Variants in ZNF841 observed in about 807,000 individuals in gnomAD.
The protein encoded by ZNF841 is TCONS_00006091.
Under a neutral mutation model 13.0 loss-of-function variants are expected in ZNF841, and 11 were observed. The ratio of observed to expected loss-of-function variants is 0.85; its 90% CI spans 0.53 to 1.40. The LOEUF is 1.40. Among genes scored for constraint, ZNF841 ranks in the 40% most tolerant of loss-of-function variants. The pLI is 0.00. For missense variants in ZNF841, 1,068 were observed against 1,139.5 expected, an observed-to-expected ratio of 0.94 and a Z score of 0.90; for synonymous variants, 369 against 381.6, an observed-to-expected ratio of 0.97 and a Z score of 0.38.
chr19:52,090,654 GGAAAGAAAGAAAGAAAGAAA>G lies in ZNF841; in HGVS notation c.-143-1672_-143-1653del, dbSNP rs60931653. ...AAGAAGGAAGGAAGGAAGGAAGGAA[GGAAAGAAAGAAAGAAAGAAA>G]GAAAGAAAGAAAGAAAGAAAGAAAG... On this transcript the variant is annotated intron_variant, in intron 2 of 6. Coordinates refer to ENST00000594440, the MANE Select transcript of ZNF841 (RefSeq NM_001136499.2). Among the ~76,000 whole-genome samples the G allele has an allele frequency of 2.2e-3, 184 of 84,552 alleles. 2 individuals carry two copies. The highest frequency in any genetic ancestry group is 7.1e-3 in the East Asian group (21 of 2,946). The allele number at this position is 84,552 out of a possible 152,430, so 55.5% of individuals were successfully genotyped here.
chr19:52,065,550 A>C lies in ZNF841; in HGVS notation c.2332T>G (p.Ser778Ala). The C allele has an allele frequency of 6.2e-7, 1 of 1,614,078 alleles. No individual in the cohort carries two copies. The highest frequency in any genetic ancestry group is 8.5e-7 in the Non-Finnish European group (1 of 1,179,976). Reference sequence around the variant, plus strand: ...ATACTCCAATGACGTGCGAGGCCTGAGCGATAACGGAAGACCTTGCCACAT... The same window carrying C: ...ATACTCCAATGACGTGCGAGGCCTGCGCGATAACGGAAGACCTTGCCACAT... ...NECGKVFRYR[S>A]GLARHWSIHT... is the part of the protein sequence containing the mutation. Residue 778 changes from serine (S) to alanine (A), a missense_variant, in exon 7 of 7, where the codon TCA (serine) becomes GCA (alanine). Coordinates refer to ENST00000594440, the MANE Select transcript of ZNF841 (RefSeq NM_001136499.2).
chr19:52,068,584 G>A (rs1011506082), intron 6 of ZNF841, among the ~76,000 whole-genome samples: 3 of 151,520 alleles, frequency 2.0e-5, no homozygotes, highest in African/African-American at 7.3e-5. Flanking sequence ...CCTGAGACAG[G>A]AGAATCATTG....
At chr19:52,090,238 T>C (rs1263551115) in intron 2 of ZNF841, among the ~76,000 whole-genome samples, 1 of 152,122 alleles carries the variant, frequency 6.6e-6, no homozygotes, top group African/African-American at 2.4e-5. Flanking sequence ...AAAAGATCTG[T>C]ACACTGAAAG....
intron 4 of ZNF841, among the ~76,000 whole-genome samples, chr19:52,084,058 C>G (rs73934752): frequency 0.02 from 3,031 of 151,960 alleles, 91 homozygotes; most frequent in African/African-American, 0.07. Flanking sequence ...TCTTCTCTGA[C>G]ATCAAAAAAG....
intron 4 of ZNF841, 111 bp from the exon 5 acceptor site, chr19:52,077,195 T>C: frequency 3.2e-6 from 4 of 1,268,936 alleles, no homozygotes; most frequent in Non-Finnish European, 3.2e-6. Flanking sequence ...TGTTTTGACA[T>C]ATCCATTAAA....
At chr19:52,077,514 T>G (rs777893118) in intron 4 of ZNF841, among the ~76,000 whole-genome samples, 1 of 152,184 alleles carries the variant, frequency 6.6e-6, no homozygotes, top group Non-Finnish European at 1.5e-5. Flanking sequence ...ACACTCCCCA[T>G]GTACCGGGCA....
intron 4 of ZNF841, among the ~76,000 whole-genome samples, chr19:52,080,653 C>A (rs1261342339): frequency 6.6e-6 from 1 of 152,244 alleles, no homozygotes; most frequent in East Asian, 1.9e-4. Flanking sequence ...GTAACACAGA[C>A]AAACGCTAAG....
In ZNF841 at chr19:52,067,469, A is replaced by C; in HGVS notation, c.413T>G (p.Leu138Arg). The C allele has an allele frequency of 1.3e-6, 2 of 1,558,118 alleles. No individual in the cohort carries two copies. The highest frequency in any genetic ancestry group is 1.7e-6 in the Non-Finnish European group (2 of 1,149,768). The change falls in exon 7 of 7, where the codon CTA becomes CGA. Residue 138 changes from leucine (L) to arginine (R), a missense_variant. Physicochemically the swap from Leu to Arg is moderately radical, Grantham distance 102. Transcript: ENST00000594440. ...NFYFREIRKNLQEVDFQWKDG... is the reference protein window; with the variant it reads ...NFYFREIRKNRQEVDFQWKDG... ...TTTCCATTGAAAGTCAACTTCCTGTAGATTTTTCCGGATTTCCCTGAAGTA... is the reference window on the plus strand; with the variant it reads ...TTTCCATTGAAAGTCAACTTCCTGTCGATTTTTCCGGATTTCCCTGAAGTA...
chr19:52,094,292 C>T (rs2088600255), intron 1 of ZNF841, among the ~76,000 whole-genome samples: 1 of 152,172 alleles, frequency 6.6e-6, no homozygotes, highest in Non-Finnish European at 1.5e-5. Context: ...TATAAAGCCA[C>T]AAATCAATAT....
At chr19:52,094,055 G>A (rs1171234582) in intron 1 of ZNF841, 84 bp from the exon 2 acceptor site, 1 of 152,028 alleles carries the variant, frequency 6.6e-6, no homozygotes, top group African/African-American at 2.4e-5. Context: ...ATCTTGTAGT[G>A]ACAGTCAGTC....
At position 52,066,763 on chromosome 19, in the gene ZNF841, G is replaced by A. The variant is rs1800583699; in HGVS notation, c.1119C>T (p.Tyr373=). 1.2e-6 allele frequency: 2 copies of A among 1,613,430 alleles called. No individual in the cohort carries two copies. Among genetic ancestry groups the A allele is most frequent in the Non-Finnish European group, 1.7e-6 (2 of 1,179,632 alleles). ...AGCACTTCCCACATCGATTACATTT[G>A]TAAGGTTTCTCTCCAGTATGAATTC... ...HQRIHTGEKP[Y]KCNRCGKCFS... Residue 373 remains tyrosine, a synonymous_variant, in exon 7 of 7, where the codon TAC becomes TAT. Transcript: ENST00000594440.
intron 6 of ZNF841, among the ~76,000 whole-genome samples, chr19:52,072,208 AG>A (rs1486779428): frequency 6.6e-6 from 1 of 152,232 alleles, no homozygotes; most frequent in Non-Finnish European, 1.5e-5. Flanking sequence ...ACGTAACTAA[AG>A]GGAGAAGTAG....
Position 52,066,106 on chromosome 19 carries a change from G to A in ZNF841, c.1776C>T (p.Thr592=), listed in dbSNP as rs376243555. 3.4e-5 allele frequency: 55 copies of A among 1,613,412 alleles called. No homozygotes were observed. The highest frequency in any genetic ancestry group is 1.7e-4 in the Middle Eastern group (1 of 6,052). The change falls in exon 7 of 7, where the codon ACC becomes ACT. Residue 592 remains threonine (T), a synonymous_variant. Transcript: ENST00000594440. ...SCLARHQRMH[T]GEKPYKCNVC... is the part of the protein sequence containing the mutation. ...CATTACATTTGTAAGGTTTCTCTCC[G>A]GTATGCATTCTTTGATGACGTGCTA...
chr19:52,065,957 C>T lies in ZNF841; in HGVS notation c.1925G>A (p.Arg642His), dbSNP rs1276288250. The T allele has an allele frequency of 1.2e-5, 19 of 1,613,612 alleles. No homozygotes were observed. Among genetic ancestry groups the T allele is most frequent in the Non-Finnish European group, 1.4e-5 (17 of 1,179,870 alleles). The change falls in exon 7 of 7, where the codon CGT becomes CAT. Residue 642 changes from arginine to histidine, a missense_variant. Arg to His is a conservative substitution (Grantham distance 29). Coordinates refer to ENST00000594440, the MANE Select transcript of ZNF841 (RefSeq NM_001136499.2). The part of the protein sequence containing the change: ...KVFSYYSCLA[R>H]HRKIHTGEKP... Reference sequence around the variant, plus strand: ...CTCTCCGGTATGAATTTTCCGATGACGTGCTAGGCATGAGTAGTAACTGAA... The same window carrying T: ...CTCTCCGGTATGAATTTTCCGATGATGTGCTAGGCATGAGTAGTAACTGAA...
intron 4 of ZNF841, among the ~76,000 whole-genome samples, chr19:52,081,413 A>G (rs928265515): frequency 6.6e-6 from 1 of 152,250 alleles, no homozygotes; most frequent in Non-Finnish European, 1.5e-5. Flanking sequence ...GTGAATTACC[A>G]AAGAATTTGA....
chr19:52,063,427 G>A (rs968280053), downstream of ZNF841, among the ~76,000 whole-genome samples: 8 of 152,068 alleles, frequency 5.3e-5, no homozygotes, highest in African/African-American at 1.9e-4. Context: ...TCGGCTTACA[G>A]CAACCTCCAC....
At chr19:52,083,962 C>A (rs962592909) in intron 4 of ZNF841, among the ~76,000 whole-genome samples, 4 of 151,384 alleles carry the variant, frequency 2.6e-5, no homozygotes, top group Non-Finnish European at 5.9e-5. Flanking sequence ...TGGACTTTTA[C>A]CACAAAACAA....
chr19:52,070,895 G>A (rs1368568337), intron 6 of ZNF841, among the ~76,000 whole-genome samples: 1 of 152,156 alleles, frequency 6.6e-6, no homozygotes. Flanking sequence ...TAATATGCTA[G>A]TCAGTAACTG....
At chr19:52,075,903 C>A in intron 6 of ZNF841, 141 bp downstream of exon 6, 1 of 1,224,324 alleles carries the variant, frequency 8.2e-7, no homozygotes, top group South Asian at 1.6e-5. Context: ...GTCTGGAAAG[C>A]AAAGTGATAA....
Sources: allele counts gnomAD v4.1 joint callset (sites outside exome capture counted in the v4.1 genomes callset), GRCh38; gene constraint gnomAD v4.1.1; transcripts MANE v1.5; gene names NCBI Gene and HGNC (gene_info 2026-07-23, HGNC 2026-07-21).